The following MGAT5B variants were observed in gnomAD, a reference collection of about 807,000 sequenced individuals.
MGAT5B encodes alpha-1,6-mannosylglycoprotein 6-beta-N-acetylglucosaminyltransferase B.
MGAT5B carries 54 observed loss-of-function variants against 95.1 expected under a neutral mutation model. That is an observed-to-expected ratio of 0.57 (90% confidence interval 0.46 to 0.71). The LOEUF (loss-of-function observed/expected upper bound fraction) is 0.71, where lower values mean the gene tolerates loss of function less well. MGAT5B is among the 30% of genes least tolerant of loss of function. MGAT5B has a pLI of 0.00. For synonymous variants in MGAT5B, 464 were observed against 451.0 expected, an observed-to-expected ratio of 1.03 and a Z score of -0.36; for missense variants, 935 against 1,088.6, an observed-to-expected ratio of 0.86 and a Z score of 1.99.
chr17:76,935,544 A>G (rs1562087), intron 12 of MGAT5B, among the ~76,000 whole-genome samples: 96,376 of 149,786 alleles, frequency 0.64, 31,100 homozygotes, highest in East Asian at 0.65. Context: ...GGTTTAAACT[A>G]GCATTTTCCT....
intron 12 of MGAT5B, among the ~76,000 whole-genome samples, chr17:76,933,723 A>G (rs1047328106): frequency 6.6e-6 from 1 of 152,232 alleles, no homozygotes; most frequent in African/African-American, 2.4e-5. Flanking sequence ...GGTTAGGATT[A>G]GATCTGGCTG....
At chr17:76,896,468 G>A (rs954499453) in intron 3 of MGAT5B, among the ~76,000 whole-genome samples, 5 of 152,174 alleles carry the variant, frequency 3.3e-5, no homozygotes, top group African/African-American at 1.2e-4. Context: ...TTTGTAGTCG[G>A]GCGTATGATG....
At chr17:76,878,677 G>A (rs1176317759) in intron 2 of MGAT5B, among the ~76,000 whole-genome samples, 1 of 152,046 alleles carries the variant, frequency 6.6e-6, no homozygotes, top group Non-Finnish European at 1.5e-5. Context: ...GTTTTGCCAT[G>A]TTGCCCAGGC....
rs747460636 is a variant in MGAT5B at position 76,905,578 on chromosome 17, G to A, written c.855+245G>A. Among the ~76,000 whole-genome samples the A allele has an allele frequency of 3.3e-5, 5 of 152,188 alleles. No individual in the cohort carries two copies. Among genetic ancestry groups the A allele is most frequent in the Admixed American group, 6.5e-5 (1 of 15,278 alleles). On this transcript the variant is annotated intron_variant, in intron 7 of 17. Transcript: ENST00000569840. The surrounding 1 kb of genome is among the most constrained non-coding windows in gnomAD (Gnocchi z 4.2). The stretch of plus-strand genomic sequence containing the variant: ...TGCATTCTGTGTACATCTGGTTCAT[G>A]TCAGGCAGAAAAGTCATGGTATTGG...
chr17:76,944,144 G>C (rs994208533), intron 15 of MGAT5B: 2 of 152,240 alleles, frequency 1.3e-5, no homozygotes, highest in Admixed American at 1.3e-4. Context: ...TCACTCTGTC[G>C]AGACTGATTA....
chr17:76,933,345 CCCTCTCCAGCAG>C (rs754142060), intron 12 of MGAT5B, 48 bp downstream of exon 12: 32 of 1,596,884 alleles, frequency 2.0e-5, no homozygotes, highest in Non-Finnish European at 2.5e-5. Flanking sequence ...TGCTCCCTTC[CCCTCTCCAGCAG>C]CCACTCCAGG....
intron 8 of MGAT5B, among the ~76,000 whole-genome samples, chr17:76,920,031 C>A (rs1969076521): frequency 6.6e-6 from 1 of 152,202 alleles, no homozygotes; most frequent in African/African-American, 2.4e-5. Context: ...CCTACCCCTA[C>A]CCCTTTCCTC....
At position 76,905,887 on chromosome 17, in the gene MGAT5B, G is replaced by A. The variant is rs545075784; in HGVS notation, c.856-131G>A. On this transcript the variant is annotated intron_variant, in intron 7 of 17. Transcript: ENST00000569840. The surrounding 1 kb of genome is among the most constrained non-coding windows in gnomAD (Gnocchi z 4.2). ...TGCCCGATCTGGTCACTCTGGTGCC[G>A]GAAAGCACCTGCTGGGGCCCAGCCT... The A allele has an allele frequency of 5.4e-5, 53 of 989,674 alleles. No homozygotes were observed. The highest frequency in any genetic ancestry group is 3.3e-4 in the Middle Eastern group (1 of 2,990). The allele number at this position is 989,674 out of a possible 1,614,324, so 61.3% of individuals were successfully genotyped here.
chr17:76,932,723 G>T lies in MGAT5B; in HGVS notation c.1370G>T (p.Gly457Val). The change falls in exon 11 of 18, where the codon GGC (glycine) becomes GTC (valine). Residue 457 changes from glycine to valine, a missense_variant. Transcript: ENST00000569840. ...NETEKRLIKG[G>V]KASNMAVVYG... is the part of the protein sequence containing the mutation. ...ACGGAGAAGCGGCTCATCAAAGGCG[G>T]CAAGGCCAGCAACATGGCCGTGGTG... is the stretch of plus-strand genomic sequence containing the variant. 1 of 1,613,978 alleles carries T rather than the reference G, an allele frequency of 6.2e-7. No homozygotes were observed. The highest frequency in any genetic ancestry group is 2.2e-5 in the East Asian group (1 of 44,882).
chr17:76,947,970 C>T lies in MGAT5B; in HGVS notation c.2064C>T (p.Ala688=). The change falls in exon 17 of 18, where the codon GCC becomes GCT. Residue 688 remains alanine, a synonymous_variant. Coordinates refer to ENST00000569840, the MANE Select transcript of MGAT5B (RefSeq NM_001199172.2). ...LAPGAWPPAH[A]LRAWLAVPGR... ...CTGGGGCCTGGCCCCCCGCGCACGC[C>T]CTGCGGGCCTGGCTGGCCGTGCCTG... 1.2e-6 allele frequency: 2 copies of T among 1,612,294 alleles called. No individual in the cohort carries two copies. The highest frequency in any genetic ancestry group is 1.1e-5 in the South Asian group (1 of 90,858).
chr17:76,904,454 G>T, intron 6 of MGAT5B, 32 bp downstream of exon 6: 1 of 1,539,046 alleles, frequency 6.5e-7, no homozygotes, highest in Non-Finnish European at 8.7e-7. Context: ...GCCGGTGAGG[G>T]GCTGGTGTGG....
Position 76,914,565 on chromosome 17 carries a change from A to G in MGAT5B, c.1025+8378A>G, listed in dbSNP as rs1228162672. Among the ~76,000 whole-genome samples the G allele has an allele frequency of 1.3e-5, 2 of 151,856 alleles. No homozygotes were observed. Among genetic ancestry groups the G allele is most frequent in the African/African-American group, 4.8e-5 (2 of 41,314 alleles). On this transcript the variant is annotated intron_variant, in intron 8 of 17. Transcript: ENST00000569840. This position sits in a 1 kb window ranked among gnomAD's most constrained non-coding sequence, Gnocchi z 5.1. Reference sequence around the variant, plus strand: ...TTCTGGTAGCCGCAGGTGTTCTTAGAGGGGTAGATGGTGTTCTCCCTACGT... The same window carrying G: ...TTCTGGTAGCCGCAGGTGTTCTTAGGGGGGTAGATGGTGTTCTCCCTACGT...
intron 3 of MGAT5B, among the ~76,000 whole-genome samples, chr17:76,895,750 C>T (rs892927574): frequency 2.0e-5 from 3 of 151,940 alleles, no homozygotes; most frequent in Non-Finnish European, 4.4e-5. Flanking sequence ...ACCCTGTTTT[C>T]AAGTAAAGTC....
chr17:76,927,406 A>G (rs1598978592), intron 10 of MGAT5B, among the ~76,000 whole-genome samples: 1 of 151,962 alleles, frequency 6.6e-6, no homozygotes, highest in Non-Finnish European at 1.5e-5. Flanking sequence ...TGCCCGGCTA[A>G]TTTTTATATT....
intron 12 of MGAT5B, 77 bp from the exon 13 acceptor site, chr17:76,937,911 A>G (rs1969728853): frequency 6.4e-7 from 1 of 1,557,756 alleles, no homozygotes. Flanking sequence ...TGACTTCCAG[A>G]CCAAAGGGAT....
intron 3 of MGAT5B, among the ~76,000 whole-genome samples, chr17:76,897,503 C>T (rs1051149364): frequency 2.6e-5 from 4 of 152,020 alleles, no homozygotes; most frequent in Non-Finnish European, 4.4e-5. Context: ...TGCATCACTC[C>T]GCTCTCTGCC....
In MGAT5B at chr17:76,949,004, T is replaced by C. The variant is rs960901704; in HGVS notation, c.*166T>C. 3.7e-6 allele frequency: 3 copies of C among 805,938 alleles called. No individual in the cohort carries two copies. The highest frequency in any genetic ancestry group is 1.7e-5 in the African/African-American group (1 of 57,768). The allele number at this position is 805,938 out of a possible 1,614,324, so 49.9% of individuals were successfully genotyped here. A position where few individuals can be genotyped will look rare whatever the true frequency, so the allele number is the denominator to read the frequency against. On this transcript the variant is annotated 3_prime_UTR_variant, in exon 18 of 18. Transcript: ENST00000569840. The stretch of plus-strand genomic sequence containing the variant: ...GGCAGAGGAGAGCCGTGCCCGGGAA[T>C]AGGAGGAGGCAGCATGCCGAGCCCC...
At position 76,905,433 on chromosome 17, in the gene MGAT5B, C is replaced by T; in HGVS notation, c.855+100C>T. ...AGGTCTTCAAACAAGCTGTAGTGGG[C>T]TTCTGAATTTGATCAGAGGGAGAGA... On this transcript the variant is annotated intron_variant, in intron 7 of 17. Transcript: ENST00000569840. This position sits in a 1 kb window ranked among gnomAD's most constrained non-coding sequence, Gnocchi z 4.2. The T allele has an allele frequency of 2.7e-6, 3 of 1,095,478 alleles. No homozygotes were observed. Among genetic ancestry groups the T allele is most frequent in the Non-Finnish European group, 3.8e-6 (3 of 790,856 alleles). 67.9% of individuals were successfully genotyped at this position (1,095,478 alleles called of 1,614,324 possible). A position where few individuals can be genotyped will look rare whatever the true frequency, so the allele number is the denominator to read the frequency against.
At position 76,914,890 on chromosome 17, in the gene MGAT5B, G is replaced by A. The variant is rs1464065201; in HGVS notation, c.1025+8703G>A. ...TGACCTCAGGTGTTCCACCCACCTC[G>A]GCCTCCCAAAGTGCTGGGATTACAG... On this transcript the variant is annotated intron_variant, in intron 8 of 17. Coordinates refer to ENST00000569840, the MANE Select transcript of MGAT5B (RefSeq NM_001199172.2). The surrounding 1 kb of genome is among the most constrained non-coding windows in gnomAD (Gnocchi z 5.1). Among the ~76,000 whole-genome samples, 1 of 152,112 alleles carries A rather than the reference G, an allele frequency of 6.6e-6. No individual in the cohort carries two copies. The highest frequency in any genetic ancestry group is 2.4e-5 in the African/African-American group (1 of 41,414).
Sources: gnomAD v4.1 joint callset for allele counts (sites outside exome capture counted in the v4.1 genomes callset) on GRCh38, gnomAD v4.1.1 for gene constraint, Gnocchi (gnomAD v3.1) non-coding constraint, MANE v1.5 for transcripts, NCBI Gene and HGNC (gene_info 2026-07-23, HGNC 2026-07-21) for gene names.